ZFP64: variants seen among roughly 807,000 people sequenced by gnomAD.
The protein encoded by ZFP64 is zinc finger protein 64.
Under a neutral mutation model 51.6 loss-of-function variants are expected in ZFP64, and 14 were observed. The observed-to-expected ratio is 0.27, with a 90% CI of 0.18 to 0.42. The LOEUF (loss-of-function observed/expected upper bound fraction) is 0.42. Among genes scored for constraint, ZFP64 ranks in the 10% least tolerant of loss-of-function variants. ZFP64 has a pLI of 1.00. For synonymous variants in ZFP64, 375 were observed against 361.4 expected (o/e 1.04, Z -0.43); for missense variants, 754 against 906.8 (o/e 0.83, Z 2.16).
intron 5 of ZFP64, among the ~76,000 whole-genome samples, chr20:52,125,398 G>T (rs1979400083): frequency 6.6e-6 from 1 of 152,172 alleles, no homozygotes; most frequent in Admixed American, 6.6e-5. Flanking sequence ...TTCCAAGACT[G>T]CCTATGATGC....
chr20:52,148,987 TC>T (rs967456319), downstream of ZFP64, among the ~76,000 whole-genome samples: 1 of 152,080 alleles, frequency 6.6e-6, no homozygotes, highest in African/African-American at 2.4e-5. Flanking sequence ...GTCCCCAACT[TC>T]CCAACAACCA....
intron 5 of ZFP64, among the ~76,000 whole-genome samples, chr20:52,118,031 C>G (rs1236889384): frequency 6.6e-6 from 1 of 152,028 alleles, no homozygotes; most frequent in Non-Finnish European, 1.5e-5. Context: ...CTCCAGGGCT[C>G]AAGCAATCCT....
rs374842913 is a variant in ZFP64, at chr20:52,084,849, T to C, written c.1646A>G (p.Glu549Gly). 200 of 1,613,956 alleles carry C rather than the reference T, an allele frequency of 1.2e-4. No homozygotes were observed. Among genetic ancestry groups the C allele is most frequent in the Non-Finnish European group, 1.6e-4 (189 of 1,180,042 alleles). ...AGGGGCCCGGTTCTCCGTCTTGGCC[T>C]CGTCCCTGTGCACCTTGTCGACGTG... Residue 549 changes from glutamate to glycine, a missense_variant, in exon 9 of 9, where the codon GAG becomes GGG. Coordinates refer to the ZFP64 transcript ENST00000361387.
At chr20:52,098,503 A>G (rs578076986) in exon 6 of ZFP64, 1 of 1,614,176 alleles carries the variant, frequency 6.2e-7, no homozygotes, top group South Asian at 1.1e-5. Flanking sequence ...CTCTGAGGGA[A>G]GAGTGATGAC....
chr20:52,100,564 T>C (rs1456761995), intron 5 of ZFP64, among the ~76,000 whole-genome samples: 5 of 152,162 alleles, frequency 3.3e-5, no homozygotes, highest in South Asian at 2.1e-4. Context: ...TCTTAGAAGA[T>C]TGACTAGCTT....
intron 2 of ZFP64, among the ~76,000 whole-genome samples, chr20:52,175,027 C>G (rs760368044): frequency 6.6e-6 from 1 of 152,098 alleles, no homozygotes; most frequent in Non-Finnish European, 1.5e-5. Flanking sequence ...TGGTGAACTT[C>G]CTGTTTATTC....
Position 52,152,760 on chromosome 20 carries a change from C to T in ZFP64, c.1432G>A (p.Gly478Arg), listed in dbSNP as rs918375258. The T allele has an allele frequency of 6.3e-7, 1 of 1,597,128 alleles. No individual in the cohort carries two copies. The highest frequency in any genetic ancestry group is 8.6e-7 in the Non-Finnish European group (1 of 1,169,496). The change falls in exon 6 of 6, where the codon GGA becomes AGA. Residue 478 changes from glycine to arginine, a missense_variant. Physicochemically the swap from Gly to Arg is moderately radical, Grantham distance 125. Coordinates refer to ENST00000216923, the MANE Select transcript of ZFP64 (RefSeq NM_018197.3). ...GGCTGGAGGGGCACCTGGAGGTGTC[C>T]CACAGTGAGGGGCGTGGCGGGCTGC... ...SKQPATPLTV[G>R]HLQVPLQPSQ...
intron 4 of ZFP64, among the ~76,000 whole-genome samples, chr20:52,163,992 A>G (rs1982036886): frequency 6.6e-6 from 1 of 152,214 alleles, no homozygotes; most frequent in Non-Finnish European, 1.5e-5. Flanking sequence ...CACTGTATTC[A>G]GTGATATAAC....
chr20:52,104,496 CA>C, intron 5 of ZFP64, among the ~76,000 whole-genome samples: 1 of 152,328 alleles, frequency 6.6e-6, no homozygotes, highest in African/African-American at 2.4e-5. Flanking sequence ...AGATAAAATG[CA>C]GAGCTCTTAC....
chr20:52,145,932 A>T (rs954256306), intron 5 of ZFP64, among the ~76,000 whole-genome samples: 17 of 152,334 alleles, frequency 1.1e-4, no homozygotes, highest in African/African-American at 3.6e-4. Flanking sequence ...TACATGTATT[A>T]ATTATATTTT....
chr20:52,184,759 T>C (rs980425312), intron 2 of ZFP64, among the ~76,000 whole-genome samples: 4 of 152,056 alleles, frequency 2.6e-5, no homozygotes, highest in Non-Finnish European at 4.4e-5. Flanking sequence ...CCTGAGCAGC[T>C]AGGACTACAA....
At chr20:52,156,659 A>G (rs1363294230) in intron 5 of ZFP64, among the ~76,000 whole-genome samples, 1 of 152,236 alleles carries the variant, frequency 6.6e-6, no homozygotes, top group Non-Finnish European at 1.5e-5. Flanking sequence ...ACAACAGACA[A>G]TGGATACAGA....
chr20:52,088,302 G>T, intron 8 of ZFP64: 1 of 1,539,574 alleles, frequency 6.5e-7, no homozygotes, highest in Non-Finnish European at 8.7e-7. Flanking sequence ...ACCACACCAA[G>T]TCATTTAAGT....
In ZFP64 at chr20:52,160,396, G is replaced by A; in HGVS notation, c.512-22C>T. 6.3e-7 allele frequency: 1 copy of A among 1,577,794 alleles called. No individual in the cohort carries two copies. The highest frequency in any genetic ancestry group is 1.4e-5 in the African/African-American group (1 of 73,562). ...TCTCCTTCAAACACATACACACACA[G>A]ATGGCAGCAGGAAACAAGATTAAAA... On this transcript the variant is annotated intron_variant, in intron 4 of 5. Coordinates refer to ENST00000216923, the MANE Select transcript of ZFP64 (RefSeq NM_018197.3). The surrounding 1 kb of genome is among the most constrained non-coding windows in gnomAD (Gnocchi z 4.2).
intron 5 of ZFP64, among the ~76,000 whole-genome samples, chr20:52,139,472 T>C (rs1980147766): frequency 6.6e-6 from 1 of 152,008 alleles, no homozygotes; most frequent in South Asian, 2.1e-4. Flanking sequence ...GACACAAAGA[T>C]GGGAACAACA....
intron 5 of ZFP64, among the ~76,000 whole-genome samples, chr20:52,159,452 TA>T (rs1981593428): frequency 6.6e-6 from 1 of 152,214 alleles, no homozygotes; most frequent in South Asian, 2.1e-4. Context: ...TACAACTGAA[TA>T]AGTTACAAAG....
intron 3 of ZFP64, 92 bp from the exon 4 acceptor site, chr20:52,164,849 AAG>A: frequency 5.0e-6 from 5 of 993,254 alleles, no homozygotes; most frequent in Non-Finnish European, 7.8e-6. Flanking sequence ...ACCAAGTGAC[AAG>A]AGTTAACACC....
intron 2 of ZFP64, among the ~76,000 whole-genome samples, chr20:52,180,200 T>C (rs1983513216): frequency 6.6e-6 from 1 of 152,250 alleles, no homozygotes; most frequent in African/African-American, 2.4e-5. Flanking sequence ...TAATCATGGC[T>C]GCTGGCTGTC....
chr20:52,142,417 C>CACACACAA (rs1024276810), intron 5 of ZFP64, among the ~76,000 whole-genome samples: 2 of 147,224 alleles, frequency 1.4e-5, no homozygotes, highest in East Asian at 4.2e-4. Flanking sequence ...CACACACACA[C>CACACACAA]AAATTGCTTA....
Sources: allele counts gnomAD v4.1 joint callset (sites outside exome capture counted in the v4.1 genomes callset), GRCh38; gene constraint gnomAD v4.1.1; non-coding constraint Gnocchi (gnomAD v3.1); transcripts MANE v1.5; gene names NCBI Gene and HGNC (gene_info 2026-07-23, HGNC 2026-07-21).